The following FAM209A variants were observed in gnomAD, a reference collection of about 807,000 sequenced individuals.
The protein encoded by FAM209A is protein FAM209A.
FAM209A carries 4 observed loss-of-function variants against 9.8 expected under a neutral mutation model. That is an observed-to-expected ratio of 0.41 (90% CI 0.20 to 0.94). The LOEUF is 0.94. Ranked by LOEUF, FAM209A falls within the 40% of genes least tolerant of loss-of-function variation. The pLI is 0.32. For missense variants in FAM209A, 205 were observed against 209.4 expected (o/e 0.98, Z 0.13); for synonymous variants, 55 against 77.8 (o/e 0.71, Z 1.54).
chr20:56,527,865 G>A (rs1415914862), downstream of FAM209A, among the ~76,000 whole-genome samples: 2 of 152,214 alleles, frequency 1.3e-5, no homozygotes, highest in African/African-American at 4.8e-5. Flanking sequence ...CCAGCACTTT[G>A]GGAGGCCAAG....
the FAM209A span, chr20:56,533,530 T>G: frequency 6.2e-7 from 1 of 1,614,128 alleles, no homozygotes; most frequent in Non-Finnish European, 8.5e-7. Context: ...GGCTCTGGCT[T>G]TTGTTTGCTG....
chr20:56,531,190 A>G, the FAM209A span, among the ~76,000 whole-genome samples: 1 of 151,544 alleles, frequency 6.6e-6, no homozygotes, highest in Non-Finnish European at 1.5e-5. Flanking sequence ...GCTCTACTCA[A>G]CCATCTTTTT....
At chr20:56,530,041 A>G (rs1985690174), downstream of FAM209A, among the ~76,000 whole-genome samples, 1 of 151,766 alleles carries the variant, frequency 6.6e-6, no homozygotes, top group Admixed American at 6.6e-5. Context: ...CGACAACAAA[A>G]ATCCACTCAA....
chr20:56,528,641 C>G (rs529281730), downstream of FAM209A, among the ~76,000 whole-genome samples: 7 of 151,884 alleles, frequency 4.6e-5, no homozygotes, highest in South Asian at 1.5e-3. Flanking sequence ...TAGGAGTAGT[C>G]CTAGGGAAAC....
the FAM209A span, among the ~76,000 whole-genome samples, chr20:56,532,844 C>G: frequency 1.3e-5 from 2 of 152,098 alleles, no homozygotes; most frequent in African/African-American, 2.4e-5. Flanking sequence ...ACCCACCCCC[C>G]ACAACATTTA....
the FAM209A span, chr20:56,533,564 T>A: frequency 1.2e-6 from 2 of 1,614,168 alleles, no homozygotes; most frequent in Non-Finnish European, 8.5e-7. Context: ...GATACTGCAG[T>A]GTCAAAGAGA....
At chr20:56,526,877 G>A (rs1985551698), downstream of FAM209A, among the ~76,000 whole-genome samples, 1 of 152,084 alleles carries the variant, frequency 6.6e-6, no homozygotes, top group Non-Finnish European at 1.5e-5. Flanking sequence ...AACCACCCTG[G>A]GCTACATAGT....
chr20:56,532,461 T>G, the FAM209A span, among the ~76,000 whole-genome samples: 1 of 143,358 alleles, frequency 7.0e-6, no homozygotes, highest in Non-Finnish European at 1.5e-5. Context: ...CATATTTTCT[T>G]TTCTTTCTTT....
chr20:56,526,186 T>C (rs928271543), downstream of FAM209A: 4 of 1,431,360 alleles, frequency 2.8e-6, no homozygotes, highest in South Asian at 4.6e-5. Flanking sequence ...CTTTTCTTTT[T>C]TTCACTAGAA....
chr20:56,526,590 T>C (rs1985540091), downstream of FAM209A, among the ~76,000 whole-genome samples: 1 of 151,720 alleles, frequency 6.6e-6, no homozygotes, highest in Non-Finnish European at 1.5e-5. Context: ...AAAGGTTCCG[T>C]GTATATTGAC....
rs763059739 is a variant in FAM209A, at chr20:56,524,812, T to G, written c.4T>G (p.Trp2Gly). The part of the protein sequence containing the change: M[W>G]TLKSSLVLLL... ...CCCTTCCCCATCTCTGCTCACCATG[T>G]GGACGCTGAAATCGTCCCTGGTCCT... The change falls in exon 1 of 2, where the codon TGG becomes GGG. Residue 2 changes from tryptophan (W) to glycine (G), a missense_variant. Coordinates refer to ENST00000371328, the MANE Select transcript of FAM209A (RefSeq NM_001012971.4). The G allele has an allele frequency of 3.7e-6, 6 of 1,614,180 alleles. No individual in the cohort carries two copies. The Admixed American group carries it at 1.0e-4, about 27-fold the overall frequency.
the FAM209A span, among the ~76,000 whole-genome samples, chr20:56,532,480 C>CTTTTTTTTTTTTTTTTTTTTTTTTTTTTT: frequency 2.8e-5 from 3 of 108,256 alleles, no homozygotes; most frequent in Non-Finnish European, 5.3e-5. Flanking sequence ...TTTTCTTTTT[C>CTTTTTTTTTTTTTTTTTTTTTTTTTTTTT]TTTTTTTTTT....
intron 1 of FAM209A, among the ~76,000 whole-genome samples, chr20:56,525,546 C>A (rs1336239319): frequency 6.6e-6 from 1 of 152,156 alleles, no homozygotes; most frequent in Non-Finnish European, 1.5e-5. Context: ...ACAAACAACT[C>A]TTTCAGGTAG....
At chr20:56,530,936 G>C (rs958774112), downstream of FAM209A, among the ~76,000 whole-genome samples, 2 of 152,108 alleles carry the variant, frequency 1.3e-5, no homozygotes, top group Admixed American at 1.3e-4. Flanking sequence ...GTAAATCTGC[G>C]AATCAGAGCC....
chr20:56,528,783 G>T (rs1600849870), downstream of FAM209A, among the ~76,000 whole-genome samples: 1 of 152,230 alleles, frequency 6.6e-6, no homozygotes, highest in Admixed American at 6.5e-5. Flanking sequence ...TGCACAGAGA[G>T]ACCAAGAGGA....
At chr20:56,525,654 C>G in intron 1 of FAM209A, 150 bp from the exon 2 acceptor site, 7 of 779,374 alleles carry the variant, frequency 9.0e-6, no homozygotes, top group Non-Finnish European at 2.1e-6. Context: ...GCAAACCCTT[C>G]CCGTAAAGGG....
downstream of FAM209A, among the ~76,000 whole-genome samples, chr20:56,530,554 A>G (rs8114508): frequency 0.06 from 9,172 of 152,000 alleles, 918 homozygotes; most frequent in African/African-American, 0.21. Flanking sequence ...TTATAGTGCA[A>G]TGGCATCATC....
At chr20:56,528,607 A>C (rs1375338195), downstream of FAM209A, among the ~76,000 whole-genome samples, 1 of 151,978 alleles carries the variant, frequency 6.6e-6, no homozygotes, top group Non-Finnish European at 1.5e-5. Flanking sequence ...TGTCCAAAAA[A>C]AAAAGTTGGG....
intron 1 of FAM209A, among the ~76,000 whole-genome samples, chr20:56,525,591 G>C (rs1405851504): frequency 6.6e-6 from 1 of 152,136 alleles, no homozygotes; most frequent in African/African-American, 2.4e-5. Flanking sequence ...TTCTCCCCTA[G>C]AAAGACCCAG....
Sources: allele counts gnomAD v4.1 joint callset (sites outside exome capture counted in the v4.1 genomes callset), GRCh38; gene constraint gnomAD v4.1.1; transcripts MANE v1.5; gene names NCBI Gene and HGNC (gene_info 2026-07-23, HGNC 2026-07-21).